Variants in CLEC17A observed in about 807,000 individuals in gnomAD.
CLEC17A encodes the protein C-type lectin domain family 17, member A.
Under a neutral mutation model 61.3 loss-of-function variants are expected in CLEC17A, and 37 were observed. The ratio of observed to expected loss-of-function variants is 0.60; its 90% CI spans 0.46 to 0.79. The LOEUF (loss-of-function observed/expected upper bound fraction) is 0.79, where lower values mean the gene tolerates loss of function less well. Ranked by LOEUF, CLEC17A falls within the 30% of genes least tolerant of loss-of-function variation. The pLI is 0.00. For synonymous variants in CLEC17A, 168 were observed against 164.9 expected (o/e 1.02, Z -0.14); for missense variants, 418 against 464.7 (o/e 0.90, Z 0.92).
intron 7 of CLEC17A, 128 bp downstream of exon 7, chr19:14,594,928 G>A: frequency 1.1e-6 from 1 of 945,902 alleles, no homozygotes; most frequent in Middle Eastern, 3.2e-4. Context: ...CTGGAGTGCA[G>A]TGGTGCGATA....
intron 8 of CLEC17A, among the ~76,000 whole-genome samples, chr19:14,595,728 G>A (rs1348754668): frequency 1.3e-5 from 2 of 150,428 alleles, no homozygotes; most frequent in Non-Finnish European, 3.0e-5. Flanking sequence ...GATGATGGTG[G>A]TGATGGTGGA....
At chr19:14,596,400 C>G (rs1426344662) in intron 8 of CLEC17A, among the ~76,000 whole-genome samples, 1 of 152,134 alleles carries the variant, frequency 6.6e-6, no homozygotes, top group Non-Finnish European at 1.5e-5. Flanking sequence ...GAGGCTGAAG[C>G]AGGGAGGATC....
At chr19:14,582,689 C>T (rs1271943217), upstream of CLEC17A, among the ~76,000 whole-genome samples, 1 of 152,000 alleles carries the variant, frequency 6.6e-6, no homozygotes, top group South Asian at 2.1e-4. Flanking sequence ...CTAACTGCAA[C>T]CTCCATCTCC....
At chr19:14,583,621 C>G (rs1371046536) in intron 2 of CLEC17A, among the ~76,000 whole-genome samples, 187 bp downstream of exon 2, 1 of 151,918 alleles carries the variant, frequency 6.6e-6, no homozygotes, top group Non-Finnish European at 1.5e-5. Context: ...TGGGCACAGT[C>G]TTGGTGAGCA....
chr19:14,587,791 T>A lies in CLEC17A; in HGVS notation c.199+100T>A, dbSNP rs575373480. On this transcript the variant is annotated intron_variant, in intron 3 of 13. Coordinates refer to ENST00000417570, the MANE Select transcript of CLEC17A (RefSeq NM_001204118.2). ...GTAGACACACAGTCAGTCTCCTCTCTACACAGCCCATGCCGGGCACTGTGG... is the reference window on the plus strand; with the variant it reads ...GTAGACACACAGTCAGTCTCCTCTCAACACAGCCCATGCCGGGCACTGTGG... 3.3e-5 allele frequency: 52 copies of A among 1,562,866 alleles called. 1 individual carries two copies. In the African/African-American group the frequency reaches 5.8e-4, roughly 18 times the overall value.
At chr19:14,592,439 A>T in intron 4 of CLEC17A, 81 bp downstream of exon 4, 2 of 1,584,184 alleles carry the variant, frequency 1.3e-6, no homozygotes, top group Non-Finnish European at 1.7e-6. Flanking sequence ...CATTGTAGAC[A>T]CACAGTCAGT....
chr19:14,596,483 A>T (rs184680858), intron 8 of CLEC17A, among the ~76,000 whole-genome samples: 492 of 152,108 alleles, frequency 3.2e-3, no homozygotes, highest in Non-Finnish European at 4.6e-3. Flanking sequence ...AAATAAAATA[A>T]ATTAGCTGGG....
rs1599575260 is a variant in CLEC17A, at chr19:14,606,362, G to A, written c.895-631G>A. 4.2e-5 allele frequency among the ~76,000 whole-genome samples: 6 copies of A among 144,486 alleles called. No homozygotes were observed. The South Asian group carries it at 1.1e-3, about 27-fold the overall frequency. The allele number at this position is 144,486 out of a possible 152,430, so 94.8% of individuals were successfully genotyped here. A position where few individuals can be genotyped will look rare whatever the true frequency, so the allele number is the denominator to read the frequency against. ...TGCACTCCAGTCTGGTTGACAGAGT[G>A]AGACCCTGTCTCAAAAAAAAAAAAA... On this transcript the variant is annotated intron_variant, in intron 12 of 13. Transcript: ENST00000417570.
chr19:14,592,399 G>C, intron 4 of CLEC17A, 41 bp downstream of exon 4: 1 of 1,611,058 alleles, frequency 6.2e-7, no homozygotes. Flanking sequence ...GGAATACAGG[G>C]AACAGGGTTT....
In CLEC17A at chr19:14,606,374, C is replaced by CAAA. The variant is rs35346403; in HGVS notation, c.895-602_895-600dup. ...TGGTTGACAGAGTGAGACCCTGTCT[C>CAAA]AAAAAAAAAAAAAAAAAAATTAGGC... On this transcript the variant is annotated intron_variant, in intron 12 of 13. Transcript: ENST00000417570. Among the ~76,000 whole-genome samples the CAAA allele has an allele frequency of 5.0e-4, 47 of 94,710 alleles. 1 individual carries two copies. Among genetic ancestry groups the CAAA allele is most frequent in the East Asian group, 2.5e-3 (8 of 3,190 alleles). 62.1% of individuals were successfully genotyped at this position (94,710 alleles called of 152,430 possible).
intron 4 of CLEC17A, among the ~76,000 whole-genome samples, chr19:14,592,826 G>C (rs966770277): frequency 1.3e-5 from 2 of 152,034 alleles, no homozygotes; most frequent in Non-Finnish European, 2.9e-5. Context: ...TACCATGCCT[G>C]GTTAACTTTT....
rs1449131167 is a variant in CLEC17A at position 14,611,395 on chromosome 19, T to A, written c.*1199T>A. Among the ~76,000 whole-genome samples the A allele has an allele frequency of 2.0e-5, 2 of 98,574 alleles. No individual in the cohort carries two copies. Among genetic ancestry groups the A allele is most frequent in the Admixed American group, 1.1e-4 (1 of 8,948 alleles). 64.7% of individuals were successfully genotyped at this position (98,574 alleles called of 152,430 possible). A position where few individuals can be genotyped will look rare whatever the true frequency, so the allele number is the denominator to read the frequency against. On this transcript the variant is annotated 3_prime_UTR_variant, in exon 14 of 14. Coordinates refer to ENST00000417570, the MANE Select transcript of CLEC17A (RefSeq NM_001204118.2). ...CCTTTTTTTTTTTTTTTTTTTTTTT[T>A]GAGATAGGGTTTCATTCTACTACCC...
chr19:14,607,548 T>A (rs1314722046), intron 13 of CLEC17A, among the ~76,000 whole-genome samples: 1 of 123,822 alleles, frequency 8.1e-6, no homozygotes, highest in African/African-American at 4.3e-5. Context: ...TTATTTTATT[T>A]TATTATTTAT....
Position 14,596,997 on chromosome 19 carries a change from T to A in CLEC17A, c.567T>A (p.Thr189=). ...TSLFLGCLGL[T]VTLIKYQELM... is the part of the protein sequence containing the mutation. The stretch of plus-strand genomic sequence containing the variant: ...TGTTCCTGGGCTGCCTTGGTCTCAC[T>A]GTGACCCTGATTAAGTGTGAGTAGG... The change falls in exon 9 of 14, where the codon ACT becomes ACA. Residue 189 remains threonine (T), a synonymous_variant. Coordinates refer to ENST00000417570, the MANE Select transcript of CLEC17A (RefSeq NM_001204118.2). 2 of 1,609,884 alleles carry A rather than the reference T, an allele frequency of 1.2e-6. No homozygotes were observed. The highest frequency in any genetic ancestry group is 1.7e-4 in the Middle Eastern group (1 of 6,060).
At chr19:14,594,195 T>C (rs2074489819) in intron 4 of CLEC17A, among the ~76,000 whole-genome samples, 1 of 151,814 alleles carries the variant, frequency 6.6e-6, no homozygotes, top group African/African-American at 2.4e-5. Context: ...CAGAATTGCT[T>C]GAACCCAGGG....
chr19:14,592,666 C>CT (rs1012180380), intron 4 of CLEC17A, among the ~76,000 whole-genome samples: 1 of 150,940 alleles, frequency 6.6e-6, no homozygotes, highest in Non-Finnish European at 1.5e-5. Context: ...ACATTTCTTT[C>CT]TTTTTTTCTT....
chr19:14,590,679 G>A (rs1185594359), intron 3 of CLEC17A, among the ~76,000 whole-genome samples: 2 of 152,064 alleles, frequency 1.3e-5, no homozygotes, highest in Non-Finnish European at 2.9e-5. Flanking sequence ...GAGCCACCAT[G>A]CCCAGCCTCT....
At chr19:14,582,991 T>G (rs1426408699), upstream of CLEC17A, 10 of 607,382 alleles carry the variant, frequency 1.6e-5, no homozygotes, top group East Asian at 2.9e-5. Flanking sequence ...GTGTGTGTGT[T>G]TGTGTGAGCA....
chr19:14,597,984 C>T (rs138573370), intron 10 of CLEC17A, among the ~76,000 whole-genome samples: 126 of 152,244 alleles, frequency 8.3e-4, no homozygotes, highest in African/African-American at 2.8e-3. Context: ...ATAATACACA[C>T]GTTAATTATA....
Sources: gnomAD v4.1 joint callset for allele counts (sites outside exome capture counted in the v4.1 genomes callset) on GRCh38, gnomAD v4.1.1 for gene constraint, MANE v1.5 for transcripts, NCBI Gene and HGNC (gene_info 2026-07-23, HGNC 2026-07-21) for gene names.